Variants in PHF5A observed in about 807,000 individuals in gnomAD.
The protein encoded by PHF5A is PHD finger-like domain-containing protein 5A.
For synonymous variants in PHF5A, 52 were observed against 46.0 expected, an observed-to-expected ratio of 1.13 and a Z score of -0.52; for missense variants, 24 against 140.6, an observed-to-expected ratio of 0.17 and a Z score of 4.19.
chr22:41,460,452 G>A lies in PHF5A; in HGVS notation c.279C>T (p.Ser93=). 1 of 1,603,240 alleles carries A rather than the reference G, an allele frequency of 6.2e-7. No homozygotes were observed. Among genetic ancestry groups the A allele is most frequent in the Non-Finnish European group, 8.5e-7 (1 of 1,172,794 alleles). Residue 93 remains serine (S), a synonymous_variant, in exon 4 of 4, where the codon AGC becomes AGT. Transcript: ENST00000216252. ...DGCPKIVNLG[S]SKTDLFYERK... ...GTTCATAGAAGAGGTCTGTCTTAGA[G>A]CTCCCCAGATTGACAATCTTTGGGC...
In PHF5A at chr22:41,460,349, G is replaced by C. The variant is rs1302870496; in HGVS notation, c.*49C>G. On this transcript the variant is annotated 3_prime_UTR_variant, in exon 4 of 4. Coordinates refer to ENST00000216252, the MANE Select transcript of PHF5A (RefSeq NM_032758.4). ...GCTGGTAGTAGTAGGCATGTTTTCT[G>C]GCAGCTGCAGCAGACTGATGTTGGG... 2.1e-6 allele frequency: 3 copies of C among 1,451,690 alleles called. No homozygotes were observed. Among genetic ancestry groups the C allele is most frequent in the Non-Finnish European group, 1.9e-6 (2 of 1,048,102 alleles). The allele number at this position is 1,451,690 out of a possible 1,614,324, so 89.9% of individuals were successfully genotyped here. A position where few individuals can be genotyped will look rare whatever the true frequency, so the allele number is the denominator to read the frequency against.
At chr22:41,461,474 G>A (rs1462110230) in intron 3 of PHF5A, among the ~76,000 whole-genome samples, 1 of 150,042 alleles carries the variant, frequency 6.7e-6, no homozygotes, top group Non-Finnish European at 1.5e-5. Flanking sequence ...TGCAACCTCC[G>A]CCACCCGAGT....
intron 1 of PHF5A, 75 bp from the exon 2 acceptor site, chr22:41,468,222 T>TG: frequency 1.4e-5 from 20 of 1,472,208 alleles, no homozygotes; most frequent in Non-Finnish European, 1.8e-5. Context: ...ATCCTCGAGC[T>TG]GGGGGTAGGG....
At chr22:41,466,442 T>C (rs989881351) in intron 3 of PHF5A, among the ~76,000 whole-genome samples, 9 of 152,206 alleles carry the variant, frequency 5.9e-5, no homozygotes, top group African/African-American at 1.9e-4. Flanking sequence ...TGAAGTCAAC[T>C]TGAATTGTCC....
chr22:41,460,963 A>C (rs1221325574), intron 3 of PHF5A, among the ~76,000 whole-genome samples: 1 of 152,170 alleles, frequency 6.6e-6, no homozygotes, highest in Non-Finnish European at 1.5e-5. Context: ...ACCTGAGGTC[A>C]GAAGTTCGAG....
intron 3 of PHF5A, among the ~76,000 whole-genome samples, chr22:41,466,289 T>C (rs1195462774): frequency 6.6e-6 from 1 of 152,038 alleles, no homozygotes; most frequent in Non-Finnish European, 1.5e-5. Context: ...GTCTATAAGC[T>C]CTCTCTCCTG....
At chr22:41,461,283 ATG>A (rs1209444549) in intron 3 of PHF5A, among the ~76,000 whole-genome samples, 1 of 152,172 alleles carries the variant, frequency 6.6e-6, no homozygotes, top group Non-Finnish European at 1.5e-5. Flanking sequence ...ACACCTAAGA[ATG>A]TGCTCAGGGC....
chr22:41,465,206 CTT>C (rs2037856683), intron 3 of PHF5A, among the ~76,000 whole-genome samples: 2 of 151,986 alleles, frequency 1.3e-5, no homozygotes, highest in Admixed American at 6.6e-5. Flanking sequence ...GAATTTCGCT[CTT>C]GTTGCCCAGA....
At position 41,459,845 on chromosome 22, in the gene PHF5A, A is replaced by C. The variant is rs1336622689; in HGVS notation, c.*553T>G. The C allele has an allele frequency of 6.7e-6, 1 of 148,750 alleles. No homozygotes were observed. The highest frequency in any genetic ancestry group is 3.2e-3 in the Middle Eastern group (1 of 312). 9.2% of individuals were successfully genotyped at this position (148,750 alleles called of 1,614,324 possible). On this transcript the variant is annotated 3_prime_UTR_variant, in exon 4 of 4. Transcript: ENST00000216252. ...TGTGAATAGCCAGCTACTGTACCCCACTGTAGCTGGACAAGTGTTAAACAA... is the reference window on the plus strand; with the variant it reads ...TGTGAATAGCCAGCTACTGTACCCCCCTGTAGCTGGACAAGTGTTAAACAA...
intron 3 of PHF5A, among the ~76,000 whole-genome samples, chr22:41,465,178 CT>C (rs879758586): frequency 7.4e-5 from 11 of 147,932 alleles, no homozygotes; most frequent in Non-Finnish European, 7.5e-5. Context: ...GGTGTACTCA[CT>C]TTTTTTTTTT....
At position 41,465,883 on chromosome 22, in the gene PHF5A, A is replaced by T. The variant is rs547950793; in HGVS notation, c.243+1565T>A. On this transcript the variant is annotated intron_variant, in intron 3 of 3. Transcript: ENST00000216252. ...CAACAAGAGTGAAACTCCATCTCAA[A>T]AAATAAATAAATAAATAAATAAATA... 3.3e-5 allele frequency among the ~76,000 whole-genome samples: 5 copies of T among 152,120 alleles called. No homozygotes were observed. In the East Asian group the frequency reaches 7.7e-4, roughly 24 times the overall value.
At chr22:41,468,526 A>G in intron 1 of PHF5A, 76 bp downstream of exon 1, 2 of 1,505,760 alleles carry the variant, frequency 1.3e-6, no homozygotes, top group South Asian at 2.3e-5. Flanking sequence ...CCCCTAAGGA[A>G]GAGACGGGAA....
Position 41,460,383 on chromosome 22 carries a change from G to A in PHF5A, c.*15C>T. 6.3e-7 allele frequency: 1 copy of A among 1,583,706 alleles called. No homozygotes were observed. The highest frequency in any genetic ancestry group is 1.3e-5 in the African/African-American group (1 of 74,452). ...AGCAGACTGATGTTGGGGGGAGGAA[G>A]GGGCCACCCACCAATCACCTCTTCT... On this transcript the variant is annotated 3_prime_UTR_variant, in exon 4 of 4. Coordinates refer to ENST00000216252, the MANE Select transcript of PHF5A (RefSeq NM_032758.4).
chr22:41,468,264 G>T, intron 1 of PHF5A, 117 bp from the exon 2 acceptor site: 1 of 905,400 alleles, frequency 1.1e-6, no homozygotes, highest in Non-Finnish European at 1.7e-6. Context: ...AGTGAGACCT[G>T]CGGATAGCCA....
intron 3 of PHF5A, 100 bp downstream of exon 3, chr22:41,467,348 A>G (rs2037875101): frequency 1.7e-6 from 2 of 1,163,430 alleles, no homozygotes; most frequent in African/African-American, 3.1e-5. Flanking sequence ...AGATGACTAG[A>G]TGAACACAGT....
At chr22:41,467,788 C>T (rs993402420) in intron 2 of PHF5A, among the ~76,000 whole-genome samples, 174 bp from the exon 3 acceptor site, 7 of 152,132 alleles carry the variant, frequency 4.6e-5, no homozygotes, top group Non-Finnish European at 8.8e-5. Flanking sequence ...ATCTCAAGCC[C>T]CTCAACACAT....
At chr22:41,464,125 T>C (rs1207666127) in intron 3 of PHF5A, among the ~76,000 whole-genome samples, 2 of 152,148 alleles carry the variant, frequency 1.3e-5, no homozygotes, top group Non-Finnish European at 2.9e-5. Flanking sequence ...CTGAGGAAAA[T>C]GGTAAACAAA....
chr22:41,460,327 G>T lies in PHF5A; in HGVS notation c.*71C>A. 3 of 1,286,398 alleles carry T rather than the reference G, an allele frequency of 2.3e-6. No homozygotes were observed. The South Asian group carries it at 4.0e-5, about 17-fold the overall frequency. The allele number at this position is 1,286,398 out of a possible 1,614,324, so 79.7% of individuals were successfully genotyped here. On this transcript the variant is annotated 3_prime_UTR_variant, in exon 4 of 4. Transcript: ENST00000216252. ...CTCTGGGCTCTGCTCCCTTTCTGCT[G>T]GTAGTAGTAGGCATGTTTTCTGGCA...
chr22:41,463,016 G>A (rs1262492041), intron 3 of PHF5A, among the ~76,000 whole-genome samples: 1 of 151,782 alleles, frequency 6.6e-6, no homozygotes, highest in Non-Finnish European at 1.5e-5. Flanking sequence ...TGGGATTACA[G>A]GCACCCACCA....
Sources: allele counts gnomAD v4.1 joint callset (sites outside exome capture counted in the v4.1 genomes callset), GRCh38; gene constraint gnomAD v4.1.1; transcripts MANE v1.5; gene names NCBI Gene and HGNC (gene_info 2026-07-23, HGNC 2026-07-21).